The following HYCC1 variants were observed in gnomAD, a reference collection of about 807,000 sequenced individuals.
HYCC1 encodes hyccin.
At chr7:22,945,544 G>C in the HYCC1 span, 1 of 1,408,246 alleles carries the variant, frequency 7.1e-7, no homozygotes, top group Non-Finnish European at 1.0e-6. Flanking sequence ...AAGCAAAGTT[G>C]TATTTCCAGG....
the HYCC1 span, chr7:22,934,697 C>G: frequency 1.3e-5 from 2 of 152,190 alleles, no homozygotes; most frequent in Non-Finnish European, 2.9e-5. Context: ...CCAGAGGAAA[C>G]CTGACACAAG....
the HYCC1 span, among the ~76,000 whole-genome samples, chr7:22,970,611 G>C: frequency 6.6e-6 from 1 of 152,298 alleles, no homozygotes; most frequent in Admixed American, 6.5e-5. Context: ...CTCCAAGGAG[G>C]TATCATTTGA....
chr7:22,988,644 T>A, the HYCC1 span, among the ~76,000 whole-genome samples: 1 of 152,176 alleles, frequency 6.6e-6, no homozygotes, highest in Non-Finnish European at 1.5e-5. Flanking sequence ...CACATATGTA[T>A]CATATGCATA....
the HYCC1 span, among the ~76,000 whole-genome samples, chr7:22,914,997 G>A: frequency 1.3e-4 from 20 of 152,036 alleles, no homozygotes; most frequent in African/African-American, 4.3e-4. Context: ...TTCTTTATCC[G>A]ACCTCTCCCA....
chr7:22,937,214 G>A, the HYCC1 span: 7 of 152,136 alleles, frequency 4.6e-5, no homozygotes, highest in Non-Finnish European at 1.0e-4. Context: ...GAGAGTAAAA[G>A]TTTAAAGATA....
At chr7:23,013,390 G>A in the HYCC1 span, among the ~76,000 whole-genome samples, 1 of 152,230 alleles carries the variant, frequency 6.6e-6, no homozygotes, top group Non-Finnish European at 1.5e-5. Context: ...GGGCGAGGGC[G>A]GGGGGTCGAC....
At chr7:22,971,860 C>T in the HYCC1 span, among the ~76,000 whole-genome samples, 1 of 152,052 alleles carries the variant, frequency 6.6e-6, no homozygotes, top group African/African-American at 2.4e-5. Flanking sequence ...TGTCATGTTT[C>T]TCAAGTGAAG....
the HYCC1 span, among the ~76,000 whole-genome samples, chr7:22,904,119 T>C: frequency 6.6e-6 from 1 of 152,030 alleles, no homozygotes; most frequent in Non-Finnish European, 1.5e-5. Flanking sequence ...AGAAACTTAG[T>C]AATTGAAACC....
the HYCC1 span, chr7:22,976,235 GA>G: frequency 6.2e-7 from 1 of 1,611,956 alleles, no homozygotes; most frequent in Non-Finnish European, 8.5e-7. Flanking sequence ...CACAGTGACT[GA>G]AGAGAAACAC....
chr7:22,955,635 G>A, the HYCC1 span, among the ~76,000 whole-genome samples: 1 of 151,648 alleles, frequency 6.6e-6, no homozygotes, highest in Admixed American at 6.6e-5. Context: ...CTTAAAAAGT[G>A]GAAGAAGAAT....
At chr7:22,956,498 G>A in the HYCC1 span, among the ~76,000 whole-genome samples, 1 of 151,630 alleles carries the variant, frequency 6.6e-6, no homozygotes, top group Non-Finnish European at 1.5e-5. Flanking sequence ...GAAAAGTGGG[G>A]CAAATCAAGC....
the HYCC1 span, among the ~76,000 whole-genome samples, chr7:22,968,420 T>C: frequency 5.1e-3 from 772 of 152,254 alleles, 8 homozygotes; most frequent in African/African-American, 0.018. Context: ...CAGAAGCAAC[T>C]TGAACACATT....
At chr7:22,974,425 C>T in the HYCC1 span, among the ~76,000 whole-genome samples, 3 of 152,072 alleles carry the variant, frequency 2.0e-5, no homozygotes, top group Non-Finnish European at 4.4e-5. Flanking sequence ...TTCAAAAGTC[C>T]GGACATTTCT....
At chr7:22,949,564 T>C in the HYCC1 span, among the ~76,000 whole-genome samples, 1 of 152,028 alleles carries the variant, frequency 6.6e-6, no homozygotes, top group Non-Finnish European at 1.5e-5. Flanking sequence ...AAAGTAATAA[T>C]TCTTGAGTTT....
chr7:22,963,700 A>G, the HYCC1 span, among the ~76,000 whole-genome samples: 1 of 152,196 alleles, frequency 6.6e-6, no homozygotes, highest in Admixed American at 6.5e-5. Context: ...AGCCATAGAC[A>G]ATACATAAAC....
chr7:22,902,962 A>T, the HYCC1 span, among the ~76,000 whole-genome samples: 1 of 152,148 alleles, frequency 6.6e-6, no homozygotes, highest in Non-Finnish European at 1.5e-5. Context: ...TAAGCACATA[A>T]AAAGGTATTC....
chr7:22,962,907 G>A, the HYCC1 span, among the ~76,000 whole-genome samples: 5 of 152,046 alleles, frequency 3.3e-5, no homozygotes, highest in Admixed American at 3.3e-4. Flanking sequence ...TGAAAGCTGA[G>A]GACGAAGCAG....
the HYCC1 span, among the ~76,000 whole-genome samples, chr7:22,964,121 T>A: frequency 2.0e-5 from 3 of 147,136 alleles, no homozygotes; most frequent in Admixed American, 6.8e-5. Flanking sequence ...AAAAAAAAAA[T>A]GAAGAAAGGG....
At chr7:22,919,747 C>T in the HYCC1 span, among the ~76,000 whole-genome samples, 1 of 151,460 alleles carries the variant, frequency 6.6e-6, no homozygotes, top group African/African-American at 2.4e-5. Context: ...AGAGATTAGA[C>T]AATCAGAAGA....
Sources: allele counts gnomAD v4.1 joint callset (sites outside exome capture counted in the v4.1 genomes callset), GRCh38; gene constraint gnomAD v4.1.1; transcripts MANE v1.5; gene names NCBI Gene and HGNC (gene_info 2026-07-23, HGNC 2026-07-21).